Variants in MAP4K3 observed in about 807,000 individuals in gnomAD.
MAP4K3 encodes mitogen-activated protein kinase kinase kinase kinase 3.
A neutral mutation model predicts 143.5 loss-of-function variants in MAP4K3; 94 were observed. The ratio of observed to expected loss-of-function variants is 0.65; its 90% confidence interval spans 0.55 to 0.78. The LOEUF (loss-of-function observed/expected upper bound fraction) is 0.78. Ranked by LOEUF, MAP4K3 falls within the 30% of genes least tolerant of loss-of-function variation. The pLI is 0.00. For synonymous variants in MAP4K3, 416 were observed against 347.2 expected, an observed-to-expected ratio of 1.20 and a Z score of -2.20; for missense variants, 1,077 against 1,068.1, an observed-to-expected ratio of 1.01 and a Z score of -0.12.
At chr2:39,270,250 T>C (rs1310888336) in intron 26 of MAP4K3, among the ~76,000 whole-genome samples, 3 of 152,086 alleles carry the variant, frequency 2.0e-5, no homozygotes, top group Non-Finnish European at 2.9e-5. Flanking sequence ...AAAATAAGAG[T>C]TGTGGGCAGT....
At position 39,260,681 on chromosome 2, in the gene MAP4K3, C is replaced by G. The variant is rs1284282439; in HGVS notation, c.2233G>C (p.Gly745Arg). 4.3e-6 allele frequency: 7 copies of G among 1,613,788 alleles called. No homozygotes were observed. In the Admixed American group the frequency reaches 1.2e-4, roughly 27 times the overall value. ...CGAACCACTTGGTTGAAGTCTCTAC[C>G]TCTACTGACACCAACACAAACTAAA... ...YPLVCVGVSR[G>R]RDFNQVVRFE... The change falls in exon 29 of 34, where the codon GGT becomes CGT. Residue 745 changes from glycine (G) to arginine (R), a missense_variant. Coordinates refer to ENST00000263881, the MANE Select transcript of MAP4K3 (RefSeq NM_003618.4).
chr2:39,332,408 A>G (rs1015285738), intron 7 of MAP4K3, among the ~76,000 whole-genome samples: 2 of 152,040 alleles, frequency 1.3e-5, no homozygotes, highest in African/African-American at 4.8e-5. Context: ...GATTGACATC[A>G]GATAAACCAG....
chr2:39,320,644 A>G, intron 12 of MAP4K3, among the ~76,000 whole-genome samples: 1 of 152,194 alleles, frequency 6.6e-6, no homozygotes, highest in South Asian at 2.1e-4. Flanking sequence ...AATGGAGATG[A>G]GTTCTATTTA....
chr2:39,413,613 G>A (rs1336423475), intron 1 of MAP4K3, among the ~76,000 whole-genome samples: 2 of 152,140 alleles, frequency 1.3e-5, no homozygotes, highest in Non-Finnish European at 2.9e-5. Context: ...TAGAGGTGCA[G>A]AGTCCAGGAA....
chr2:39,386,833 T>TTTTGG (rs1666518831), intron 1 of MAP4K3, among the ~76,000 whole-genome samples: 1 of 151,192 alleles, frequency 6.6e-6, no homozygotes, highest in Non-Finnish European at 1.5e-5. Context: ...TTTTTTTTTT[T>TTTTGG]GAGACGGAGT....
chr2:39,415,303 A>T (rs575647791), intron 1 of MAP4K3, among the ~76,000 whole-genome samples: 2 of 152,344 alleles, frequency 1.3e-5, no homozygotes, highest in South Asian at 4.1e-4. Context: ...TAAGCAACAA[A>T]GGAAAATTTG....
At chr2:39,430,679 T>C (rs545649795) in intron 1 of MAP4K3, among the ~76,000 whole-genome samples, 2 of 152,336 alleles carry the variant, frequency 1.3e-5, no homozygotes, top group East Asian at 3.9e-4. Flanking sequence ...CTGTATTCAC[T>C]AGTCAGTCAC....
chr2:39,419,887 C>T lies in MAP4K3; in HGVS notation c.96+17005G>A, dbSNP rs138505354. Among the ~76,000 whole-genome samples, 378 of 152,182 alleles carry T rather than the reference C, an allele frequency of 2.5e-3. 1 individual carries two copies. Among genetic ancestry groups the T allele is most frequent in the Admixed American group, 5.3e-3 (81 of 15,298 alleles). On this transcript the variant is annotated intron_variant, in intron 1 of 33. Transcript: ENST00000263881. ...GATTTGGAGTTTGTGGTTTTACTGA[C>T]GGGATAGAAGATGGTGGAGCACAGG...
chr2:39,332,241 T>C (rs1487727621), intron 7 of MAP4K3, among the ~76,000 whole-genome samples: 1 of 151,956 alleles, frequency 6.6e-6, no homozygotes, highest in African/African-American at 2.4e-5. Flanking sequence ...AAGGTCAAGA[T>C]CAAATAATTT....
chr2:39,287,733 T>C (rs1422357060), intron 20 of MAP4K3, among the ~76,000 whole-genome samples: 1 of 152,200 alleles, frequency 6.6e-6, no homozygotes, highest in African/African-American at 2.4e-5. Flanking sequence ...TTTTTAGAAA[T>C]GATTAAATGA....
intron 26 of MAP4K3, among the ~76,000 whole-genome samples, chr2:39,270,512 GT>G (rs1293646709): frequency 8.5e-5 from 13 of 152,164 alleles, no homozygotes; most frequent in Non-Finnish European, 1.8e-4. Context: ...AGGTGCTGTG[GT>G]AGGTACTTTA....
intron 1 of MAP4K3, among the ~76,000 whole-genome samples, chr2:39,386,934 G>A (rs1481584645): frequency 1.3e-5 from 2 of 150,864 alleles, no homozygotes; most frequent in Non-Finnish European, 2.9e-5. Context: ...TCCTGCCTCA[G>A]CCTCTTGAGT....
chr2:39,260,836 G>C, intron 28 of MAP4K3, 59 bp from the exon 29 acceptor site: 1 of 1,198,822 alleles, frequency 8.3e-7, no homozygotes, highest in South Asian at 1.4e-5. Context: ...ATAATTCTAT[G>C]AGAATACTAT....
intron 6 of MAP4K3, among the ~76,000 whole-genome samples, chr2:39,334,806 C>T (rs1263820126): frequency 6.6e-6 from 1 of 151,964 alleles, no homozygotes; most frequent in African/African-American, 2.4e-5. Flanking sequence ...GAGTTTACAT[C>T]CAAGTAGGAG....
intron 24 of MAP4K3, among the ~76,000 whole-genome samples, chr2:39,276,501 T>C (rs758909499): frequency 6.6e-5 from 10 of 152,218 alleles, no homozygotes; most frequent in Non-Finnish European, 1.5e-4. Flanking sequence ...ACATGGAATC[T>C]GGAGCTAGCT....
chr2:39,351,324 AT>A (rs1327097935), intron 3 of MAP4K3, among the ~76,000 whole-genome samples: 1 of 152,194 alleles, frequency 6.6e-6, no homozygotes, highest in African/African-American at 2.4e-5. Flanking sequence ...AACACCCAAT[AT>A]TTGGGAATTA....
chr2:39,390,456 C>T (rs1666622272), intron 1 of MAP4K3, among the ~76,000 whole-genome samples: 1 of 152,206 alleles, frequency 6.6e-6, no homozygotes. Flanking sequence ...AGGTGAGCCC[C>T]AGGAACCTAT....
intron 3 of MAP4K3, among the ~76,000 whole-genome samples, chr2:39,355,493 C>T (rs572189247): frequency 6.6e-6 from 1 of 151,934 alleles, no homozygotes; most frequent in East Asian, 1.9e-4. Flanking sequence ...GATCACACCA[C>T]AGCACTCCAG....
intron 2 of MAP4K3, among the ~76,000 whole-genome samples, chr2:39,372,246 A>C (rs1666102379): frequency 6.6e-6 from 1 of 151,824 alleles, no homozygotes; most frequent in South Asian, 2.1e-4. Flanking sequence ...AAAGATCTCT[A>C]CAATGAAAAC....
Sources: gnomAD v4.1 joint callset for allele counts (sites outside exome capture counted in the v4.1 genomes callset) on GRCh38, gnomAD v4.1.1 for gene constraint, MANE v1.5 for transcripts, NCBI Gene and HGNC (gene_info 2026-07-23, HGNC 2026-07-21) for gene names.